Variants in SYT1 observed in about 807,000 individuals in gnomAD.
SYT1 encodes synaptotagmin-1.
SYT1 carries 8 observed loss-of-function variants against 44.8 expected under a neutral mutation model. That is an observed-to-expected ratio of 0.18 (90% CI 0.10 to 0.32). The LOEUF (loss-of-function observed/expected upper bound fraction) is 0.32, where lower values mean the gene tolerates loss of function less well. Among genes scored for constraint, SYT1 ranks in the 10% least tolerant of loss-of-function variants. The pLI is 1.00. For synonymous variants in SYT1, 154 were observed against 188.8 expected, an observed-to-expected ratio of 0.82 and a Z score of 1.51; for missense variants, 286 against 509.3, an observed-to-expected ratio of 0.56 and a Z score of 4.22.
intron 3 of SYT1, among the ~76,000 whole-genome samples, chr12:79,107,647 T>G (rs1878792065): frequency 6.6e-6 from 1 of 152,026 alleles, no homozygotes; most frequent in Non-Finnish European, 1.5e-5. Flanking sequence ...CTCATGCTTA[T>G]ATGCATAGAA....
chr12:79,135,595 C>A (rs1163167895), intron 3 of SYT1, among the ~76,000 whole-genome samples: 1 of 152,094 alleles, frequency 6.6e-6, no homozygotes, highest in Non-Finnish European at 1.5e-5. Flanking sequence ...TTACAAGCTA[C>A]TTGGGAAGCC....
intron 8 of SYT1, among the ~76,000 whole-genome samples, chr12:79,337,330 A>G (rs569373110): frequency 5.3e-5 from 8 of 152,146 alleles, no homozygotes; most frequent in Non-Finnish European, 1.0e-4. Flanking sequence ...GGGTAATGAC[A>G]TCTCCAAATT....
intron 3 of SYT1, among the ~76,000 whole-genome samples, chr12:79,114,281 A>C (rs182864091): frequency 9.7e-4 from 147 of 152,312 alleles, no homozygotes; most frequent in Non-Finnish European, 1.4e-3. Context: ...CCATTCATGC[A>C]GTACAGAGCC....
chr12:79,021,844 A>G (rs1235262482), intron 2 of SYT1, among the ~76,000 whole-genome samples: 6 of 151,852 alleles, frequency 4.0e-5, no homozygotes, highest in African/African-American at 1.4e-4. Context: ...TAACTCACTC[A>G]TTAACATTTT....
intron 2 of SYT1, among the ~76,000 whole-genome samples, chr12:78,988,009 C>T (rs1467589159): frequency 6.6e-6 from 1 of 152,098 alleles, no homozygotes; most frequent in African/African-American, 2.4e-5. Flanking sequence ...CTTTCCATTA[C>T]AAACCATTTA....
chr12:79,065,272 T>C (rs1000801941), intron 3 of SYT1, among the ~76,000 whole-genome samples: 10 of 152,100 alleles, frequency 6.6e-5, no homozygotes, highest in Non-Finnish European at 1.2e-4. Context: ...TAGTCCCAGA[T>C]ACTAGGGAAG....
At chr12:79,350,829 C>G (rs1415512736) in intron 8 of SYT1, among the ~76,000 whole-genome samples, 1 of 152,120 alleles carries the variant, frequency 6.6e-6, no homozygotes, top group Non-Finnish European at 1.5e-5. Flanking sequence ...ATTTTCCTTG[C>G]CTTTTTCTGG....
chr12:79,074,320 G>C (rs896967185), intron 3 of SYT1, among the ~76,000 whole-genome samples: 1 of 152,220 alleles, frequency 6.6e-6, no homozygotes, highest in East Asian at 1.9e-4. Context: ...GCCCCAACAT[G>C]TGTATTCAGT....
chr12:79,237,797 A>G (rs1046514982), intron 4 of SYT1, among the ~76,000 whole-genome samples: 2 of 152,208 alleles, frequency 1.3e-5, no homozygotes, highest in African/African-American at 2.4e-5. Context: ...ACAGGCCATC[A>G]TCTGTATATT....
intron 3 of SYT1, among the ~76,000 whole-genome samples, chr12:79,134,367 A>C (rs1458974684): frequency 6.6e-5 from 10 of 152,222 alleles, no homozygotes; most frequent in Admixed American, 4.6e-4. Context: ...ATTACAAGGT[A>C]AAAGCTGAGG....
At chr12:79,037,380 A>C (rs1354708956) in intron 2 of SYT1, among the ~76,000 whole-genome samples, 1 of 151,672 alleles carries the variant, frequency 6.6e-6, no homozygotes, top group Non-Finnish European at 1.5e-5. Flanking sequence ...AGTATAATGA[A>C]ATGTTAAACA....
chr12:79,399,556 T>G (rs959626658), intron 9 of SYT1, among the ~76,000 whole-genome samples: 1 of 152,196 alleles, frequency 6.6e-6, no homozygotes, highest in Non-Finnish European at 1.5e-5. Flanking sequence ...CCATAACATA[T>G]TAGGGGAAAA....
chr12:79,025,880 G>T (rs1592674857), intron 2 of SYT1, among the ~76,000 whole-genome samples: 1 of 151,440 alleles, frequency 6.6e-6, no homozygotes, highest in African/African-American at 2.4e-5. Flanking sequence ...ACCTCGTTGG[G>T]AAATGTGTTT....
chr12:79,076,181 G>A (rs948939169), intron 3 of SYT1, among the ~76,000 whole-genome samples: 2 of 152,048 alleles, frequency 1.3e-5, no homozygotes, highest in African/African-American at 4.8e-5. Flanking sequence ...GGGGAATTTA[G>A]GAGGGCCTAT....
At chr12:79,330,472 G>A (rs1021371561) in intron 8 of SYT1, among the ~76,000 whole-genome samples, 1 of 152,184 alleles carries the variant, frequency 6.6e-6, no homozygotes, top group Non-Finnish European at 1.5e-5. Context: ...AGAAGAAAGA[G>A]CATGGATGTC....
chr12:79,201,007 C>T (rs1319440692), intron 3 of SYT1, among the ~76,000 whole-genome samples: 1 of 152,050 alleles, frequency 6.6e-6, no homozygotes, highest in Non-Finnish European at 1.5e-5. Flanking sequence ...ATGGGTCAGC[C>T]CATCATTTCA....
At chr12:79,079,991 C>A (rs559035157) in intron 3 of SYT1, among the ~76,000 whole-genome samples, 25 of 152,010 alleles carry the variant, frequency 1.6e-4, no homozygotes, top group Admixed American at 1.5e-3. Context: ...AATCTTAATT[C>A]AATCTTAATT....
At chr12:79,136,704 T>C (rs1869214273) in intron 3 of SYT1, among the ~76,000 whole-genome samples, 1 of 152,208 alleles carries the variant, frequency 6.6e-6, no homozygotes, top group Non-Finnish European at 1.5e-5. Context: ...GTCAATAATT[T>C]ATTGCTCTTG....
chr12:79,081,274 G>A (rs1877012164), intron 3 of SYT1, among the ~76,000 whole-genome samples: 1 of 151,882 alleles, frequency 6.6e-6, no homozygotes, highest in Non-Finnish European at 1.5e-5. Context: ...ATATACCTAT[G>A]AACGTTTTAA....
Sources: allele counts gnomAD v4.1 joint callset (sites outside exome capture counted in the v4.1 genomes callset), GRCh38; gene constraint gnomAD v4.1.1; transcripts MANE v1.5; gene names NCBI Gene and HGNC (gene_info 2026-07-23, HGNC 2026-07-21).